Variants in PTPRM observed in about 807,000 individuals in gnomAD.
PTPRM encodes protein tyrosine phosphatase receptor type M, also known as receptor-type tyrosine-protein phosphatase mu.
A neutral mutation model predicts 186.7 loss-of-function variants in PTPRM; 47 were observed. The ratio of observed to expected loss-of-function variants is 0.25; its 90% confidence interval spans 0.20 to 0.32. The LOEUF (loss-of-function observed/expected upper bound fraction) is 0.32. Ranked by LOEUF, PTPRM falls within the 10% of genes least tolerant of loss-of-function variation. The pLI is 1.00. For missense variants in PTPRM, 1,494 were observed against 1,865.0 expected (o/e 0.80, Z 3.66); for synonymous variants, 668 against 674.9 (o/e 0.99, Z 0.16).
Position 8,304,046 on chromosome 18 carries a change from G to T in PTPRM, c.2842+7591G>T, listed in dbSNP as rs145072466. Among the ~76,000 whole-genome samples, 976 of 152,132 alleles carry T rather than the reference G, an allele frequency of 6.4e-3. 6 individuals carry two copies. The highest frequency in any genetic ancestry group is 0.02 in the African/African-American group (845 of 41,540). The stretch of plus-strand genomic sequence containing the variant: ...GGCTAAATATTACCTTGATAATTGT[G>T]ATTCCAATTTACCTTATATATGTCA... On this transcript the variant is annotated intron_variant, in intron 20 of 32. Coordinates refer to ENST00000580170, the MANE Select transcript of PTPRM (RefSeq NM_001105244.2).
chr18:8,177,189 A>G (rs1322937986), intron 14 of PTPRM, among the ~76,000 whole-genome samples: 3 of 152,222 alleles, frequency 2.0e-5, no homozygotes, highest in African/African-American at 7.2e-5. Context: ...TCTTAGAATC[A>G]CAGTGTACAC....
At chr18:8,195,921 C>T (rs1429878187) in intron 14 of PTPRM, among the ~76,000 whole-genome samples, 1 of 152,162 alleles carries the variant, frequency 6.6e-6, no homozygotes, top group Non-Finnish European at 1.5e-5. Flanking sequence ...AATCAATCCT[C>T]ACATCATATG....
At chr18:8,303,995 A>C (rs2095191141) in intron 20 of PTPRM, among the ~76,000 whole-genome samples, 1 of 152,220 alleles carries the variant, frequency 6.6e-6, no homozygotes, top group Non-Finnish European at 1.5e-5. Context: ...ATTGTAATTA[A>C]AATTAATTTC....
chr18:7,955,376 C>A lies in PTPRM; in HGVS notation c.1094C>A (p.Ser365Tyr). ...LTRPGEGGTGSPGPALRTRTK... is the reference protein window; with the variant it reads ...LTRPGEGGTGYPGPALRTRTK... ...AGGCCAGGGGAGGGTGGCACTGGCT[C>A]TCCTGGTCCAGCTCTCAGGACAAGA... The change falls in exon 7 of 33, where the codon TCT becomes TAT. Residue 365 changes from serine (S) to tyrosine (Y), a missense_variant. Ser to Tyr is a moderately radical substitution (Grantham distance 144, BLOSUM62 -2). Coordinates refer to ENST00000580170, the MANE Select transcript of PTPRM (RefSeq NM_001105244.2). The A allele has an allele frequency of 1.9e-6, 3 of 1,614,002 alleles. No homozygotes were observed. Among genetic ancestry groups the A allele is most frequent in the Non-Finnish European group, 2.5e-6 (3 of 1,179,906 alleles).
intron 1 of PTPRM, among the ~76,000 whole-genome samples, chr18:7,625,721 G>A (rs1567990537): frequency 6.9e-6 from 1 of 144,578 alleles, no homozygotes; most frequent in South Asian, 2.3e-4. Context: ...TTTTAATAAA[G>A]ACTGGGTTTT....
At chr18:7,885,819 T>C (rs565576492) in intron 2 of PTPRM, among the ~76,000 whole-genome samples, 83 of 152,274 alleles carry the variant, frequency 5.5e-4, no homozygotes, top group African/African-American at 1.9e-3. Flanking sequence ...GGATTTAGCA[T>C]TGGAGGCAGG....
chr18:8,284,457 A>T (rs539602896), intron 19 of PTPRM, among the ~76,000 whole-genome samples: 1 of 152,322 alleles, frequency 6.6e-6, no homozygotes, highest in Non-Finnish European at 1.5e-5. Context: ...TCCTTTCAGC[A>T]GACTGTGATT....
intron 22 of PTPRM, 87 bp downstream of exon 22, chr18:8,319,301 G>A (rs1185579188): frequency 3.4e-5 from 32 of 944,092 alleles, no homozygotes; most frequent in Middle Eastern, 3.1e-4. Flanking sequence ...CCTTCAGGAA[G>A]ATATTGCACA....
At chr18:8,376,872 A>C in intron 26 of PTPRM, 1 of 355,222 alleles carries the variant, frequency 2.8e-6, no homozygotes, top group Non-Finnish European at 5.1e-6. Flanking sequence ...AGTCTCTGTT[A>C]AGTGCTCAGA....
chr18:8,343,501 A>G lies in PTPRM; in HGVS notation c.3035A>G (p.Asn1012Ser), dbSNP rs771951736. The G allele has an allele frequency of 1.5e-5, 24 of 1,613,850 alleles. No individual in the cohort carries two copies. The highest frequency in any genetic ancestry group is 4.5e-5 in the East Asian group (2 of 44,852). Residue 1012 changes from asparagine (N) to serine (S), a missense_variant, in exon 23 of 33, where the codon AAT (asparagine) becomes AGT (serine). Physicochemically the swap from Asn to Ser is conservative, Grantham distance 46. Around this residue, in one of 3 missense-constraint regions of PTPRM, gnomAD observed 1,107 missense variants for 1,350.2 expected, o/e 0.82. Coordinates refer to ENST00000580170, the MANE Select transcript of PTPRM (RefSeq NM_001105244.2). ...ACTGCAAGTATCATCATGGTGACCA[A>G]TCTTGTGGAAGTGGGAAGGGTGAGT... ...ENTASIIMVT[N>S]LVEVGRVKCC...
intron 1 of PTPRM, chr18:7,755,326 C>T (rs951745902): frequency 1.3e-5 from 2 of 151,554 alleles, no homozygotes; most frequent in Non-Finnish European, 2.9e-5. Flanking sequence ...TTTGAAGTTT[C>T]CTTCCAGGAG....
At chr18:8,400,882 G>A (rs963845443) in intron 32 of PTPRM, among the ~76,000 whole-genome samples, 10 of 152,206 alleles carry the variant, frequency 6.6e-5, no homozygotes, top group African/African-American at 2.4e-4. Context: ...GTGCATGTGT[G>A]TGTGCATGTG....
chr18:7,662,699 TAAC>T (rs937095661), intron 1 of PTPRM, among the ~76,000 whole-genome samples: 1 of 152,120 alleles, frequency 6.6e-6, no homozygotes, highest in African/African-American at 2.4e-5. Context: ...CATTTAAAAA[TAAC>T]AAGTATAATT....
intron 14 of PTPRM, among the ~76,000 whole-genome samples, chr18:8,228,196 A>G (rs1460262531): frequency 6.6e-6 from 1 of 152,124 alleles, no homozygotes; most frequent in Non-Finnish European, 1.5e-5. Flanking sequence ...GTCTTGCCAC[A>G]CTGTGTGTTC....
chr18:7,895,507 T>C (rs1453600546), intron 3 of PTPRM, among the ~76,000 whole-genome samples: 2 of 152,198 alleles, frequency 1.3e-5, no homozygotes, highest in South Asian at 2.1e-4. Context: ...CATACAGCAC[T>C]GCAAGGTGAG....
chr18:7,893,902 G>T (rs568213329), intron 3 of PTPRM, among the ~76,000 whole-genome samples: 2 of 152,234 alleles, frequency 1.3e-5, no homozygotes, highest in South Asian at 2.1e-4. Context: ...AGGACAGGCC[G>T]TATTCACAGA....
At chr18:7,838,068 C>T (rs1052381200) in intron 2 of PTPRM, among the ~76,000 whole-genome samples, 5 of 152,140 alleles carry the variant, frequency 3.3e-5, no homozygotes, top group Admixed American at 2.0e-4. Context: ...TCTTCTCAGG[C>T]TGCTGTGAAG....
intron 2 of PTPRM, among the ~76,000 whole-genome samples, chr18:7,876,116 CTG>C (rs35159405): frequency 0.28 from 42,075 of 149,622 alleles, 9,876 homozygotes; most frequent in African/African-American, 0.65. Flanking sequence ...TGATGCATGA[CTG>C]TGTGTGTGTG....
intron 7 of PTPRM, among the ~76,000 whole-genome samples, chr18:8,019,176 C>T (rs1057053752): frequency 1.1e-4 from 17 of 152,118 alleles, no homozygotes; most frequent in African/African-American, 3.6e-4. Flanking sequence ...GTGTCAGTCC[C>T]GTAGGTCACT....
Sources: gnomAD v4.1 joint callset for allele counts (sites outside exome capture counted in the v4.1 genomes callset) on GRCh38, gnomAD v4.1.1 for gene constraint, gnomAD v4.1.1 regional missense constraint, MANE v1.5 for transcripts, NCBI Gene and HGNC (gene_info 2026-07-23, HGNC 2026-07-21) for gene names.